Variants in ADRA1D observed in about 807,000 individuals in gnomAD.
ADRA1D encodes the protein adrenoceptor alpha 1D, also known as alpha-1D adrenergic receptor.
ADRA1D carries 22 observed loss-of-function variants against 18.6 expected under a neutral mutation model. The ratio of observed to expected loss-of-function variants is 1.19; its 90% confidence interval spans 0.85 to 1.69. The LOEUF (loss-of-function observed/expected upper bound fraction) is 1.69. Among genes scored for constraint, ADRA1D ranks in the 40% most tolerant of loss-of-function variants. ADRA1D has a pLI of 0.00. For missense variants in ADRA1D, 840 were observed against 840.7 expected, an observed-to-expected ratio of 1.00 and a Z score of 0.01; for synonymous variants, 376 against 388.2, an observed-to-expected ratio of 0.97 and a Z score of 0.37.
At chr20:4,233,600 G>T (rs1568765891) in intron 1 of ADRA1D, among the ~76,000 whole-genome samples, 1 of 152,090 alleles carries the variant, frequency 6.6e-6, no homozygotes, top group East Asian at 1.9e-4. Context: ...CTGCTTCTAG[G>T]GAACCCGACC....
At position 4,225,148 on chromosome 20, in the gene ADRA1D, C is replaced by T. The variant is rs527686387; in HGVS notation, c.1112-3018G>A. Among the ~76,000 whole-genome samples the T allele has an allele frequency of 7.6e-4, 115 of 151,376 alleles. 2 individuals carry two copies. In the South Asian group the frequency reaches 0.011, roughly 15 times the overall value. On this transcript the variant is annotated intron_variant, in intron 1 of 1. Transcript: ENST00000379453. The stretch of plus-strand genomic sequence containing the variant: ...TCCTGAGTAGCTGGGACTACAGGCA[C>T]GCACCACCATGCCCAGCTAATTTTT...
At position 4,248,543 on chromosome 20, in the gene ADRA1D, C is replaced by G; in HGVS notation, c.415G>C (p.Ala139Pro). 6.2e-7 allele frequency: 1 copy of G among 1,613,864 alleles called. No homozygotes were observed. Among genetic ancestry groups the G allele is most frequent in the Non-Finnish European group, 8.5e-7 (1 of 1,179,948 alleles). ...TVTNYFIVNL[A>P]VADLLLSATV... ...GCGCTCAGCAGCAGGTCGGCCACGG[C>G]CAGGTTCACGATGAAATAGTTGGTG... The change falls in exon 1 of 2, where the codon GCC becomes CCC. Residue 139 changes from alanine to proline, a missense_variant. Coordinates refer to ENST00000379453, the MANE Select transcript of ADRA1D (RefSeq NM_000678.4).
chr20:4,242,918 C>T (rs1407556618), intron 1 of ADRA1D, among the ~76,000 whole-genome samples: 1 of 149,328 alleles, frequency 6.7e-6, no homozygotes, highest in Non-Finnish European at 1.5e-5. Context: ...CACCTCTGGG[C>T]GTGGCTGGGG....
At position 4,221,410 on chromosome 20, in the gene ADRA1D, C is replaced by G; in HGVS notation, c.*113G>C. ...TCAGGGATGTCACAGAGCAGCTGCC[C>G]TGATCAGTTTCCGGGTCTCCGATTT... On this transcript the variant is annotated 3_prime_UTR_variant, in exon 2 of 2. Transcript: ENST00000379453. 7.6e-6 allele frequency: 9 copies of G among 1,184,586 alleles called. No homozygotes were observed. Among genetic ancestry groups the G allele is most frequent in the Non-Finnish European group, 1.1e-5 (9 of 838,382 alleles). 73.4% of individuals were successfully genotyped at this position (1,184,586 alleles called of 1,614,324 possible). A position where few individuals can be genotyped will look rare whatever the true frequency, so the allele number is the denominator to read the frequency against.
In ADRA1D at chr20:4,232,015, C is replaced by T. The variant is rs146171152; in HGVS notation, c.1112-9885G>A. 4.3e-3 allele frequency among the ~76,000 whole-genome samples: 652 copies of T among 152,216 alleles called. 3 individuals are homozygous for T. The highest frequency in any genetic ancestry group is 0.015 in the African/African-American group (624 of 41,524). Reference sequence around the variant, plus strand: ...GCAACCTCTGCCTCCCAGGTTCAAGCAATTCTCCTGCCTCAGCCTCCCAAG... The same window carrying T: ...GCAACCTCTGCCTCCCAGGTTCAAGTAATTCTCCTGCCTCAGCCTCCCAAG... On this transcript the variant is annotated intron_variant, in intron 1 of 1. Coordinates refer to ENST00000379453, the MANE Select transcript of ADRA1D (RefSeq NM_000678.4).
rs754348275 is a variant in ADRA1D, at chr20:4,248,937, C to T, written c.21G>A (p.Leu7=). Residue 7 remains leucine (L), a synonymous_variant, in exon 1 of 2, where the codon CTG becomes CTA. Transcript: ENST00000379453. MTFRDL[L]SVSFEGPRPD... is the part of the protein sequence containing the mutation. ...GGCGGGGTCCCTCGAAACTGACGCT[C>T]AGGAGATCGCGGAAAGTCATCTCAA... 8.9e-6 allele frequency: 12 copies of T among 1,351,718 alleles called. No individual in the cohort carries two copies. In the South Asian group the frequency reaches 1.6e-4, roughly 18 times the overall value. The allele number at this position is 1,351,718 out of a possible 1,614,324, so 83.7% of individuals were successfully genotyped here.
At position 4,242,885 on chromosome 20, in the gene ADRA1D, T is replaced by C. The variant is rs559257106; in HGVS notation, c.1111+4962A>G. ...GTGTGTGTGTGTGTGTTTGTGTGTG[T>C]ATGTAGGTCTCGGCAGACAGTCCAC... On this transcript the variant is annotated intron_variant, in intron 1 of 1. Coordinates refer to ENST00000379453, the MANE Select transcript of ADRA1D (RefSeq NM_000678.4). Among the ~76,000 whole-genome samples the C allele has an allele frequency of 5.3e-5, 8 of 152,082 alleles. No homozygotes were observed. In the South Asian group the frequency reaches 1.7e-3, roughly 32 times the overall value.
intron 1 of ADRA1D, among the ~76,000 whole-genome samples, chr20:4,226,127 G>A (rs1980793580): frequency 6.6e-6 from 1 of 152,252 alleles, no homozygotes; most frequent in Non-Finnish European, 1.5e-5. Context: ...GTTATTGCAT[G>A]GTTTTTATTC....
intron 1 of ADRA1D, among the ~76,000 whole-genome samples, chr20:4,238,023 G>A (rs1044387626): frequency 2.0e-5 from 3 of 150,338 alleles, no homozygotes; most frequent in Admixed American, 6.6e-5. Flanking sequence ...CGAGGCGGGC[G>A]GATCACTTGA....
intron 1 of ADRA1D, among the ~76,000 whole-genome samples, chr20:4,235,474 C>T (rs1981067248): frequency 6.6e-6 from 1 of 152,212 alleles, no homozygotes; most frequent in Admixed American, 6.5e-5. Context: ...TTTGTTGTCA[C>T]TTCTTAACTC....
intron 1 of ADRA1D, among the ~76,000 whole-genome samples, chr20:4,232,928 G>T (rs1437883865): frequency 6.6e-6 from 1 of 152,170 alleles, no homozygotes; most frequent in Non-Finnish European, 1.5e-5. Flanking sequence ...GCCAAGCTTT[G>T]CCTCAACCAC....
At position 4,248,004 on chromosome 20, in the gene ADRA1D, C is replaced by G; in HGVS notation, c.954G>C (p.Ala318=). The stretch of plus-strand genomic sequence containing the variant: ...GGCCCTTGGCGCTGCGCATGCCGTG[C>G]GCCCCGTCGGCGCCCGTGGCCGCGC... ...CRGAATGADG[A]HGMRSAKGHT... is the part of the protein sequence containing the mutation. Residue 318 remains alanine, a synonymous_variant, in exon 1 of 2, where the codon GCG becomes GCC. Coordinates refer to ENST00000379453, the MANE Select transcript of ADRA1D (RefSeq NM_000678.4). The G allele has an allele frequency of 4.5e-6, 7 of 1,560,064 alleles. No individual in the cohort carries two copies. Among genetic ancestry groups the G allele is most frequent in the Non-Finnish European group, 8.7e-7 (1 of 1,153,450 alleles).
chr20:4,240,969 GA>G (rs1156697042), intron 1 of ADRA1D, among the ~76,000 whole-genome samples: 1 of 151,856 alleles, frequency 6.6e-6, no homozygotes, highest in African/African-American at 2.4e-5. Context: ...TTAAAAACAT[GA>G]AAAAAACCCA....
At chr20:4,230,831 C>T (rs1444642227) in intron 1 of ADRA1D, among the ~76,000 whole-genome samples, 2 of 152,190 alleles carry the variant, frequency 1.3e-5, no homozygotes, top group African/African-American at 4.8e-5. Flanking sequence ...GGACTTGCTG[C>T]TCCCAGGAGC....
At chr20:4,237,840 TTATTTATTTATTTATTTA>T (rs1981131729) in intron 1 of ADRA1D, among the ~76,000 whole-genome samples, 1 of 149,734 alleles carries the variant, frequency 6.7e-6, no homozygotes, top group Non-Finnish European at 1.5e-5. Flanking sequence ...ATTTTTGTAT[TTATTTATTTATTTATTTA>T]TTTAGTAGAG....
intron 1 of ADRA1D, among the ~76,000 whole-genome samples, chr20:4,225,234 C>T (rs1233994692): frequency 1.8e-4 from 27 of 151,410 alleles, no homozygotes; most frequent in Admixed American, 1.8e-3. Context: ...CTCCTGACCT[C>T]GTGATCTGCC....
At chr20:4,226,239 G>A (rs560212386) in intron 1 of ADRA1D, among the ~76,000 whole-genome samples, 3 of 152,306 alleles carry the variant, frequency 2.0e-5, no homozygotes, top group African/African-American at 7.2e-5. Flanking sequence ...CTGTGAGCTG[G>A]GAAGTCCTTA....
rs1980691371 is a variant in ADRA1D at position 4,222,247 on chromosome 20, T to G, written c.1112-117A>C. The G allele has an allele frequency of 7.1e-7, 1 of 1,401,378 alleles. No individual in the cohort carries two copies. Among genetic ancestry groups the G allele is most frequent in the African/African-American group, 1.5e-5 (1 of 66,806 alleles). 86.8% of individuals were successfully genotyped at this position (1,401,378 alleles called of 1,614,324 possible). A position where few individuals can be genotyped will look rare whatever the true frequency, so the allele number is the denominator to read the frequency against. ...TGGCTGAGTCATTGACTAGGAGTTC[T>G]CAAGGGATCCGTGCTGTAAATCAGG... On this transcript the variant is annotated intron_variant, in intron 1 of 1. Coordinates refer to ENST00000379453, the MANE Select transcript of ADRA1D (RefSeq NM_000678.4). This position sits in a 1 kb window ranked among gnomAD's most constrained non-coding sequence, Gnocchi z 4.3.
rs1383965083 is a variant in ADRA1D, at chr20:4,248,045, G to A, written c.913C>T (p.Arg305Cys). The A allele has an allele frequency of 9.0e-6, 14 of 1,551,124 alleles. No homozygotes were observed. The highest frequency in any genetic ancestry group is 1.2e-5 in the Non-Finnish European group (14 of 1,147,914). ...ERGKASEVVL[R>C]IHCRGAATGA... ...GTGGCCGCGCCGCGACAGTGGATGC[G>A]CAGCACCACCTCGGAGGCCTTGCCT... Residue 305 changes from arginine (R) to cysteine (C), a missense_variant, in exon 1 of 2, where the codon CGC becomes TGC. Arg to Cys is a radical substitution (Grantham distance 180, BLOSUM62 -3). Transcript: ENST00000379453.
Sources: allele counts gnomAD v4.1 joint callset (sites outside exome capture counted in the v4.1 genomes callset), GRCh38; gene constraint gnomAD v4.1.1; non-coding constraint Gnocchi (gnomAD v3.1); transcripts MANE v1.5; gene names NCBI Gene and HGNC (gene_info 2026-07-23, HGNC 2026-07-21).